ACSBG1: variants seen among roughly 807,000 people sequenced by gnomAD.
The protein encoded by ACSBG1 is acyl-CoA synthetase bubblegum family member 1.
In ACSBG1, 39 loss-of-function variants were observed where a neutral mutation model predicts 80.2. The observed-to-expected ratio is 0.49, with a 90% CI of 0.38 to 0.64. The LOEUF (loss-of-function observed/expected upper bound fraction) is 0.64, where lower values mean the gene tolerates loss of function less well. Ranked by LOEUF, ACSBG1 falls within the 30% of genes least tolerant of loss-of-function variation. The probability of loss-of-function intolerance (pLI) is 0.00; values close to 1 mark genes in which losing one functional copy is unlikely to be tolerated. For synonymous variants in ACSBG1, 392 were observed against 379.5 expected (o/e 1.03, Z -0.38); for missense variants, 828 against 966.4 (o/e 0.86, Z 1.90).
intron 1 of ACSBG1, among the ~76,000 whole-genome samples, chr15:78,227,788 G>A (rs956131033): frequency 6.6e-6 from 1 of 152,200 alleles, no homozygotes; most frequent in Non-Finnish European, 1.5e-5. Context: ...CCACACAATG[G>A]AATTCTACTG....
intron 5 of ACSBG1, among the ~76,000 whole-genome samples, chr15:78,191,084 CATTA>C (rs1374452710): frequency 6.6e-6 from 1 of 152,138 alleles, no homozygotes; most frequent in Non-Finnish European, 1.5e-5. Flanking sequence ...ATAATGCAAA[CATTA>C]ATTATCAGAA....
intron 5 of ACSBG1, among the ~76,000 whole-genome samples, chr15:78,192,242 A>G (rs1202263321): frequency 6.6e-6 from 1 of 152,006 alleles, no homozygotes; most frequent in Non-Finnish European, 1.5e-5. Context: ...ACACTGGTCT[A>G]AGAGTTACCC....
Position 78,174,471 on chromosome 15 carries a change from C to A in ACSBG1, c.1756G>T (p.Ala586Ser), listed in dbSNP as rs772536386. 16 of 1,614,204 alleles carry A rather than the reference C, an allele frequency of 9.9e-6. No individual in the cohort carries two copies. The highest frequency in any genetic ancestry group is 1.2e-5 in the Non-Finnish European group (14 of 1,180,036). Residue 586 changes from alanine to serine, a missense_variant, in exon 12 of 14, where the codon GCC becomes TCC. Ala to Ser is a moderately conservative substitution (Grantham distance 99). Around this residue, in one of 3 missense-constraint regions of ACSBG1, gnomAD observed 201 missense variants for 227.0 expected, o/e 0.89. Coordinates refer to ENST00000258873, the MANE Select transcript of ACSBG1 (RefSeq NM_015162.5). The part of the protein sequence containing the change: ...ENVPPVPIEE[A>S]VKMELPIISN... ...ATGATGGGCAGCTCCATCTTCACGG[C>A]CTCCTCGATGGGCACAGGGGGCACA... is the stretch of plus-strand genomic sequence containing the variant.
At chr15:78,198,749 A>G (rs2075138606) in intron 2 of ACSBG1, among the ~76,000 whole-genome samples, 1 of 152,248 alleles carries the variant, frequency 6.6e-6, no homozygotes, top group Non-Finnish European at 1.5e-5. Context: ...TCTTTCTACA[A>G]ATATTCATAC....
chr15:78,200,413 G>C (rs2075156486), intron 2 of ACSBG1, among the ~76,000 whole-genome samples: 1 of 152,126 alleles, frequency 6.6e-6, no homozygotes, highest in Non-Finnish European at 1.5e-5. Context: ...TGAGCCCCTA[G>C]ACCAGCTGGA....
At chr15:78,179,005 GT>G in intron 10 of ACSBG1, 174 bp from the exon 11 acceptor site, 1 of 633,704 alleles carries the variant, frequency 1.6e-6, no homozygotes, top group Non-Finnish European at 2.7e-6. Flanking sequence ...CAAGTAAAGG[GT>G]TTTAGGGAAT....
chr15:78,211,696 C>T (rs759161536), intron 1 of ACSBG1, among the ~76,000 whole-genome samples: 12 of 152,142 alleles, frequency 7.9e-5, no homozygotes, highest in Admixed American at 2.0e-4. Context: ...GTCTGCACTG[C>T]GCCTTTCTCT....
intron 1 of ACSBG1, among the ~76,000 whole-genome samples, chr15:78,228,227 A>C (rs2075419278): frequency 6.6e-6 from 1 of 152,158 alleles, no homozygotes; most frequent in Non-Finnish European, 1.5e-5. Context: ...TCTGGGTAGG[A>C]GGCCAGAGCT....
chr15:78,234,473 C>A lies in ACSBG1; in HGVS notation c.29G>T (p.Gly10Val). 6.2e-7 allele frequency: 1 copy of A among 1,612,346 alleles called. No homozygotes were observed. The highest frequency in any genetic ancestry group is 8.5e-7 in the Non-Finnish European group (1 of 1,180,020). Reference sequence around the variant, plus strand: ...CATGCTGGGGTCCCCGTGTGGGCAGCCGTATCCAGCTCCAGAATTGCGTGG... The same window carrying A: ...CATGCTGGGGTCCCCGTGTGGGCAGACGTATCCAGCTCCAGAATTGCGTGG... MPRNSGAGYGCPHGDPSMLD... is the reference protein window; with the variant it reads MPRNSGAGYVCPHGDPSMLD... Residue 10 changes from glycine (G) to valine (V), a missense_variant, in exon 1 of 14, where the codon GGC (glycine) becomes GTC (valine). By Grantham distance (109) the Gly-to-Val change is moderately radical (BLOSUM62 -3). Coordinates refer to ENST00000258873, the MANE Select transcript of ACSBG1 (RefSeq NM_015162.5).
rs200213996 is a variant in ACSBG1 at position 78,174,452 on chromosome 15, G to A, written c.1775C>T (p.Pro592Leu). 1.2e-6 allele frequency: 2 copies of A among 1,614,020 alleles called. No homozygotes were observed. Among genetic ancestry groups the A allele is most frequent in the African/African-American group, 1.3e-5 (1 of 74,912 alleles). ...PIEEAVKMEL[P>L]IISNAMLIGD... ...AATGAGCATGGCGTTGCTGATGATG[G>A]GCAGCTCCATCTTCACGGCCTCCTC... The change falls in exon 12 of 14, where the codon CCC becomes CTC. Residue 592 changes from proline (P) to leucine (L), a missense_variant. This residue lies in a region of ACSBG1 where 201 missense variants were observed against 227.0 expected (regional missense o/e 0.89). Coordinates refer to ENST00000258873, the MANE Select transcript of ACSBG1 (RefSeq NM_015162.5).
At chr15:78,214,117 C>T (rs1338838925) in intron 1 of ACSBG1, among the ~76,000 whole-genome samples, 1 of 152,216 alleles carries the variant, frequency 6.6e-6, no homozygotes, top group African/African-American at 2.4e-5. Flanking sequence ...ACAAATATCC[C>T]TGCACCTTGC....
In ACSBG1 at chr15:78,224,575, G is replaced by T. The variant is rs184151062; in HGVS notation, c.131+9796C>A. Among the ~76,000 whole-genome samples, 10 of 152,162 alleles carry T rather than the reference G, an allele frequency of 6.6e-5. No homozygotes were observed. In the East Asian group the frequency reaches 1.9e-3, roughly 29 times the overall value. On this transcript the variant is annotated intron_variant, in intron 1 of 13. Coordinates refer to ENST00000258873, the MANE Select transcript of ACSBG1 (RefSeq NM_015162.5). ...TCTACTAAAAATACAAAAAAAATTA[G>T]CCAGGCGTGGTGGCAGATACCTGTA... is the stretch of plus-strand genomic sequence containing the variant.
At chr15:78,183,071 ATGGAGTAGTGC>A (rs1419056286) in intron 5 of ACSBG1, among the ~76,000 whole-genome samples, 1 of 152,160 alleles carries the variant, frequency 6.6e-6, no homozygotes, top group Non-Finnish European at 1.5e-5. Context: ...CAGCCACACA[ATGGAGTAGTGC>A]TATGTGACTG....
At chr15:78,233,264 G>A (rs2075463366) in intron 1 of ACSBG1, among the ~76,000 whole-genome samples, 1 of 152,226 alleles carries the variant, frequency 6.6e-6, no homozygotes. Flanking sequence ...GGATTAGCAG[G>A]GTTCTCTGGA....
chr15:78,194,461 CACA>C, intron 3 of ACSBG1, 42 bp downstream of exon 3: 2 of 1,589,018 alleles, frequency 1.3e-6, no homozygotes, highest in Non-Finnish European at 1.7e-6. Flanking sequence ...AGCTGGGAGG[CACA>C]TCTGGGGAGG....
At chr15:78,199,921 T>A (rs1266887455) in intron 2 of ACSBG1, among the ~76,000 whole-genome samples, 1 of 152,164 alleles carries the variant, frequency 6.6e-6, no homozygotes, top group African/African-American at 2.4e-5. Context: ...TGCGTTGTAC[T>A]CCACGGTTGG....
Position 78,168,839 on chromosome 15 carries a change from C to CATCT in ACSBG1, c.*2601_*2604dup, listed in dbSNP as rs1469830525. 16 of 806,342 alleles carry CATCT rather than the reference C, an allele frequency of 2.0e-5. No individual in the cohort carries two copies. In the African/African-American group the frequency reaches 2.7e-4, roughly 14 times the overall value. 49.9% of individuals were successfully genotyped at this position (806,342 alleles called of 1,614,324 possible). The stretch of plus-strand genomic sequence containing the variant: ...GCAGCCGAGTAACTTGCCCAGGTGG[C>CATCT]ATCTCACTGAGGGCTTTAAAATCTC... On this transcript the variant is annotated 3_prime_UTR_variant, in exon 14 of 14. Transcript: ENST00000258873.
chr15:78,197,612 G>C (rs541435111), intron 2 of ACSBG1, among the ~76,000 whole-genome samples: 39 of 151,404 alleles, frequency 2.6e-4, no homozygotes, highest in African/African-American at 8.5e-4. Context: ...CCAACTACTT[G>C]GGAAGCTGAG....
chr15:78,208,705 G>C (rs1382892741), intron 1 of ACSBG1, among the ~76,000 whole-genome samples: 1 of 152,172 alleles, frequency 6.6e-6, no homozygotes, highest in Non-Finnish European at 1.5e-5. Flanking sequence ...GACATAGACG[G>C]GTCCAGGGAG....
Sources: allele counts gnomAD v4.1 joint callset (sites outside exome capture counted in the v4.1 genomes callset), GRCh38; gene constraint gnomAD v4.1.1; regional missense constraint gnomAD v4.1.1; transcripts MANE v1.5; gene names NCBI Gene and HGNC (gene_info 2026-07-23, HGNC 2026-07-21).